SLC25A12: variants seen among roughly 807,000 people sequenced by gnomAD.
SLC25A12 encodes solute carrier family 25 member 12, also known as electrogenic aspartate/glutamate antiporter SLC25A12, mitochondrial.
SLC25A12 carries 32 observed loss-of-function variants against 83.3 expected under a neutral mutation model. The observed-to-expected ratio is 0.38, with a 90% CI of 0.29 to 0.52. The LOEUF is 0.52. Among genes scored for constraint, SLC25A12 ranks in the 20% least tolerant of loss-of-function variants. SLC25A12 has a pLI of 0.84. For missense variants in SLC25A12, 611 were observed against 835.6 expected (o/e 0.73, Z 3.31); for synonymous variants, 267 against 291.1 (o/e 0.92, Z 0.84).
intron 13 of SLC25A12, among the ~76,000 whole-genome samples, chr2:171,808,635 T>A (rs557319968): frequency 2.6e-5 from 4 of 152,310 alleles, no homozygotes; most frequent in South Asian, 2.1e-4. Flanking sequence ...TTAGAACTTT[T>A]AAAAAAGTCT....
intron 2 of SLC25A12, among the ~76,000 whole-genome samples, chr2:171,887,940 C>T (rs541643846): frequency 6.6e-6 from 1 of 152,060 alleles, no homozygotes; most frequent in Non-Finnish European, 1.5e-5. Flanking sequence ...AAGCAATGAA[C>T]ACCACAGGAA....
intron 13 of SLC25A12, among the ~76,000 whole-genome samples, chr2:171,803,877 T>G (rs1379370332): frequency 2.6e-5 from 4 of 151,886 alleles, no homozygotes; most frequent in African/African-American, 9.7e-5. Context: ...ATCAGAAGCT[T>G]CACACTACTA....
chr2:171,890,571 T>G (rs2105935588), intron 2 of SLC25A12, among the ~76,000 whole-genome samples: 1 of 152,234 alleles, frequency 6.6e-6, no homozygotes, highest in African/African-American at 2.4e-5. Flanking sequence ...AACCTCTGCC[T>G]CCTAGGATCA....
intron 13 of SLC25A12, among the ~76,000 whole-genome samples, chr2:171,798,291 G>A (rs930473318): frequency 3.9e-5 from 6 of 152,198 alleles, no homozygotes; most frequent in African/African-American, 1.4e-4. Context: ...AGGCCGAGGG[G>A]CTGTATACAG....
chr2:171,788,070 AGAT>A, intron 15 of SLC25A12, 123 bp from the exon 16 acceptor site: 1 of 930,060 alleles, frequency 1.1e-6, no homozygotes, highest in South Asian at 1.4e-5. Context: ...CTCTTTACAT[AGAT>A]GTCTGGCCAT....
At chr2:171,872,866 T>C (rs114618948) in intron 2 of SLC25A12, among the ~76,000 whole-genome samples, 2,852 of 152,270 alleles carry the variant, frequency 0.019, 58 homozygotes, top group Admixed American at 0.067. Context: ...ACCCCCCCTT[T>C]TTTTTTCTTT....
intron 3 of SLC25A12, 139 bp downstream of exon 3, chr2:171,868,542 G>A (rs1311044992): frequency 2.9e-5 from 22 of 766,782 alleles, no homozygotes; most frequent in African/African-American, 1.0e-4. Flanking sequence ...TCAAACTCCC[G>A]ACCTCAGGTG....
chr2:171,894,241 G>GTT lies in SLC25A12; in HGVS notation c.-28_-27insAA, dbSNP rs778034033. ...CTGTGCTCGGAAGCCGGGGACGAGCGAGTGAGCGAGCAGGGCCGAGCTGTC... is the reference window on the plus strand; with the variant it reads ...CTGTGCTCGGAAGCCGGGGACGAGCGTTAGTGAGCGAGCAGGGCCGAGCTGTC... On this transcript the variant is annotated 5_prime_UTR_variant, in exon 1 of 18. Transcript: ENST00000422440. The GTT allele has an allele frequency of 2.5e-4, 397 of 1,606,702 alleles. No homozygotes were observed. The African/African-American group carries it at 5.0e-3, about 20-fold the overall frequency.
intron 2 of SLC25A12, among the ~76,000 whole-genome samples, chr2:171,886,449 T>TG (rs1459153940): frequency 2.9e-5 from 4 of 137,616 alleles, no homozygotes; most frequent in Admixed American, 1.4e-4. Flanking sequence ...CCTAGGCTGT[T>TG]TTTTTTTTTT....
At chr2:171,815,241 C>T (rs768519140) in intron 9 of SLC25A12, 39 bp from the exon 10 acceptor site, 11 of 1,377,668 alleles carry the variant, frequency 8.0e-6, no homozygotes, top group African/African-American at 1.4e-5. Flanking sequence ...ATCTTGAAAG[C>T]GCACACAGCA....
intron 9 of SLC25A12, among the ~76,000 whole-genome samples, chr2:171,816,074 T>TG (rs1397033357): frequency 2.0e-5 from 3 of 149,154 alleles, no homozygotes; most frequent in Admixed American, 2.0e-4. Flanking sequence ...TTTTTTTTTT[T>TG]TTTTTTTTGG....
chr2:171,854,460 G>A (rs1369446136), intron 4 of SLC25A12, among the ~76,000 whole-genome samples: 13 of 152,058 alleles, frequency 8.5e-5, no homozygotes, highest in Admixed American at 8.5e-4. Context: ...CCAGCTATTC[G>A]GGAGGCTGAG....
intron 9 of SLC25A12, among the ~76,000 whole-genome samples, chr2:171,823,807 T>C (rs1384845462): frequency 6.6e-6 from 1 of 152,000 alleles, no homozygotes; most frequent in East Asian, 1.9e-4. Flanking sequence ...GAAAACAAAT[T>C]AGCTGAGCAT....
intron 4 of SLC25A12, among the ~76,000 whole-genome samples, chr2:171,853,190 A>T (rs896541359): frequency 6.6e-6 from 1 of 152,142 alleles, no homozygotes; most frequent in Non-Finnish European, 1.5e-5. Flanking sequence ...TCTTTTTCTT[A>T]TTCCATAATA....
chr2:171,818,252 A>G (rs1323330824), intron 9 of SLC25A12, among the ~76,000 whole-genome samples: 1 of 152,090 alleles, frequency 6.6e-6, no homozygotes, highest in Non-Finnish European at 1.5e-5. Flanking sequence ...GCCTGCCGTG[A>G]GCAAATGGGC....
chr2:171,840,765 G>T (rs1023189967), intron 5 of SLC25A12, among the ~76,000 whole-genome samples: 2 of 152,088 alleles, frequency 1.3e-5, no homozygotes, highest in African/African-American at 2.4e-5. Flanking sequence ...ATTGAAGGAC[G>T]TAAGTTTCCA....
At position 171,837,264 on chromosome 2, in the gene SLC25A12, G is replaced by C; in HGVS notation, c.469C>G (p.Leu157Val). ...GCTTGTCTTGCATGTTCCAATTGCA[G>C]CTCCTGTGAGGAAATTAGAAATAGG... ...YTEFTQFLQE[L>V]QLEHARQAFA... Residue 157 changes from leucine to valine, a missense_variant, in exon 6 of 18, where the codon CTG becomes GTG. By Grantham distance (32) the Leu-to-Val change is conservative. This residue lies in a region of SLC25A12 where 540 missense variants were observed against 777.5 expected (regional missense o/e 0.69). Coordinates refer to ENST00000422440, the MANE Select transcript of SLC25A12 (RefSeq NM_003705.5). 1 of 1,614,004 alleles carries C rather than the reference G, an allele frequency of 6.2e-7. No homozygotes were observed. The highest frequency in any genetic ancestry group is 8.5e-7 in the Non-Finnish European group (1 of 1,179,928).
intron 4 of SLC25A12, among the ~76,000 whole-genome samples, chr2:171,849,053 T>TG (rs1288352886): frequency 6.6e-6 from 1 of 151,974 alleles, no homozygotes; most frequent in African/African-American, 2.4e-5. Context: ...TAGTTGGGCG[T>TG]GGTGGCACAT....
intron 5 of SLC25A12, among the ~76,000 whole-genome samples, chr2:171,839,841 GC>G (rs1461027061): frequency 2.0e-5 from 3 of 152,154 alleles, no homozygotes; most frequent in South Asian, 2.1e-4. Context: ...TGAAGGTGGA[GC>G]TGAAAACAAG....
Sources: allele counts gnomAD v4.1 joint callset (sites outside exome capture counted in the v4.1 genomes callset), GRCh38; gene constraint gnomAD v4.1.1; regional missense constraint gnomAD v4.1.1; transcripts MANE v1.5; gene names NCBI Gene and HGNC (gene_info 2026-07-23, HGNC 2026-07-21).